Variants in HEATR4 observed in about 807,000 individuals in gnomAD.
HEATR4 encodes HEAT repeat containing 4.
Under a neutral mutation model 108.8 loss-of-function variants are expected in HEATR4, and 95 were observed. That is an observed-to-expected ratio of 0.87 (90% CI 0.74 to 1.04). The LOEUF (loss-of-function observed/expected upper bound fraction) is 1.04, where lower values mean the gene tolerates loss of function less well. Among genes scored for constraint, HEATR4 ranks in the 50% least tolerant of loss-of-function variants. HEATR4 has a pLI of 0.00. For synonymous variants in HEATR4, 443 were observed against 459.4 expected (o/e 0.96, Z 0.46); for missense variants, 1,152 against 1,253.8 (o/e 0.92, Z 1.23).
chr14:73,521,662 A>C (rs1322323175), intron 3 of HEATR4, among the ~76,000 whole-genome samples: 1 of 152,232 alleles, frequency 6.6e-6, no homozygotes, highest in Non-Finnish European at 1.5e-5. Context: ...ATGAGATAGA[A>C]GCAATCTAAG....
chr14:73,624,146 G>A, the HEATR4 span, among the ~76,000 whole-genome samples: 3 of 151,670 alleles, frequency 2.0e-5, no homozygotes, highest in African/African-American at 7.3e-5. Flanking sequence ...TTTTTGATAC[G>A]GCATCTTGCT....
intron 10 of HEATR4, 67 bp from the exon 11 acceptor site, chr14:73,503,080 CTGT>C: frequency 3.1e-6 from 4 of 1,277,440 alleles, no homozygotes; most frequent in Non-Finnish European, 4.5e-6. Context: ...TGGCGTTGTG[CTGT>C]TTTTTCTTCT....
chr14:73,624,571 C>T, the HEATR4 span, among the ~76,000 whole-genome samples: 2 of 152,130 alleles, frequency 1.3e-5, no homozygotes, highest in Admixed American at 6.5e-5. Context: ...CACTGCACTC[C>T]ATCCAGCCTG....
At position 73,519,045 on chromosome 14, in the gene HEATR4, A is replaced by G. The variant is rs1887809014; in HGVS notation, c.1188T>C (p.Ser396=). The G allele has an allele frequency of 3.7e-6, 6 of 1,613,380 alleles. No individual in the cohort carries two copies. In the East Asian group the frequency reaches 1.3e-4, roughly 36 times the overall value. ...KVFPETPEKW[S]AQAIPEASYR... The stretch of plus-strand genomic sequence containing the variant: ...TACATGCTTCAGGAATTGCCTGGGC[A>G]CTCCACTTTTCTGGAGTTTCAGGGA... Residue 396 remains serine, a synonymous_variant, in exon 5 of 18, where the codon AGT becomes AGC. Coordinates refer to ENST00000553558, the MANE Select transcript of HEATR4 (RefSeq NM_001220484.1).
At chr14:73,629,260 C>T in the HEATR4 span, among the ~76,000 whole-genome samples, 19,045 of 152,038 alleles carry the variant, frequency 0.13, 1,948 homozygotes, top group African/African-American at 0.28. Flanking sequence ...AAACATAATG[C>T]TATGGCAACT....
chr14:73,576,816 A>AG, the HEATR4 span, among the ~76,000 whole-genome samples: 662 of 58,122 alleles, frequency 0.011, 137 homozygotes, highest in African/African-American at 0.038. Context: ...AAAAAAAAAA[A>AG]AAAAGACAAT....
At chr14:73,569,306 C>G in the HEATR4 span, 187 of 1,613,956 alleles carry the variant, frequency 1.2e-4, 1 homozygote, top group East Asian at 3.5e-3. Context: ...TCAAAATGGC[C>G]TCATCTCCTG....
At chr14:73,480,527 T>G (rs1885208017) in intron 17 of HEATR4, among the ~76,000 whole-genome samples, 1 of 152,116 alleles carries the variant, frequency 6.6e-6, no homozygotes, top group South Asian at 2.1e-4. Flanking sequence ...TTATATTTAT[T>G]TTTAATATTT....
chr14:73,508,086 A>T, intron 9 of HEATR4, 48 bp downstream of exon 9: 1 of 1,560,276 alleles, frequency 6.4e-7, no homozygotes. Context: ...GACCTCAAAG[A>T]CCTAATTGCT....
the HEATR4 span, among the ~76,000 whole-genome samples, chr14:73,592,682 G>A: frequency 6.6e-6 from 1 of 152,048 alleles, no homozygotes; most frequent in Admixed American, 6.6e-5. Flanking sequence ...GTGAAACGCT[G>A]ACTCTACCGA....
chr14:73,609,301 A>G, the HEATR4 span, among the ~76,000 whole-genome samples: 2 of 152,156 alleles, frequency 1.3e-5, no homozygotes, highest in Non-Finnish European at 2.9e-5. Flanking sequence ...GGAGTGAGCC[A>G]AACATGGGAT....
intron 13 of HEATR4, among the ~76,000 whole-genome samples, chr14:73,498,605 C>T (rs193139459): frequency 1.3e-5 from 2 of 152,286 alleles, no homozygotes; most frequent in Non-Finnish European, 2.9e-5. Context: ...TGCCTAGTCC[C>T]AGCAGGGTGA....
the HEATR4 span, among the ~76,000 whole-genome samples, chr14:73,622,606 G>A: frequency 2.0e-5 from 3 of 151,984 alleles, no homozygotes; most frequent in Non-Finnish European, 4.4e-5. Flanking sequence ...CTCCATGTTG[G>A]TCAGGCTGGT....
chr14:73,551,936 C>T (rs1274449984), intron 1 of HEATR4, among the ~76,000 whole-genome samples: 3 of 112,446 alleles, frequency 2.7e-5, no homozygotes, highest in South Asian at 2.9e-4. Context: ...TGCTCACTTC[C>T]GAAAGGTAAA....
chr14:73,582,267 G>A, the HEATR4 span: 1 of 150,374 alleles, frequency 6.7e-6, no homozygotes, highest in Non-Finnish European at 1.5e-5. Context: ...TTTGCTGCCT[G>A]TTGCTCCAGA....
intron 17 of HEATR4, chr14:73,491,376 C>T (rs1173999959): frequency 2.2e-6 from 3 of 1,359,972 alleles, no homozygotes; most frequent in African/African-American, 3.1e-5. Flanking sequence ...ACCCCGTCGG[C>T]GCGCCTGGTG....
At chr14:73,632,739 G>A in the HEATR4 span, among the ~76,000 whole-genome samples, 2 of 151,216 alleles carry the variant, frequency 1.3e-5, no homozygotes, top group South Asian at 2.1e-4. Flanking sequence ...AGCTACTAGG[G>A]AGGCTGAGGT....
At chr14:73,527,794 A>G (rs998121834) in intron 2 of HEATR4, among the ~76,000 whole-genome samples, 2 of 151,828 alleles carry the variant, frequency 1.3e-5, no homozygotes, top group East Asian at 1.9e-4. Flanking sequence ...CCCGGCCAAC[A>G]TGGCGAAACC....
the HEATR4 span, among the ~76,000 whole-genome samples, chr14:73,566,287 C>T: frequency 2.6e-5 from 4 of 151,788 alleles, 1 homozygote; most frequent in Admixed American, 6.6e-5. Context: ...GGATCGTGCA[C>T]TGGGGCTGCA....
Sources: gnomAD v4.1 joint callset for allele counts (sites outside exome capture counted in the v4.1 genomes callset) on GRCh38, gnomAD v4.1.1 for gene constraint, MANE v1.5 for transcripts, NCBI Gene and HGNC (gene_info 2026-07-23, HGNC 2026-07-21) for gene names.